TCF25: variants seen among roughly 807,000 people sequenced by gnomAD.
TCF25 encodes TCF25 ribosome quality control complex subunit, also known as ribosome quality control complex subunit TCF25.
A neutral mutation model predicts 83.1 loss-of-function variants in TCF25; 41 were observed. The observed-to-expected ratio is 0.49, with a 90% CI of 0.38 to 0.64. TCF25 has a LOEUF of 0.64. Among genes scored for constraint, TCF25 ranks in the 30% least tolerant of loss-of-function variants. TCF25 has a pLI of 0.00. For missense variants in TCF25, 979 were observed against 914.5 expected (o/e 1.07, Z -0.91); for synonymous variants, 458 against 365.0 (o/e 1.25, Z -2.90).
rs1389428546 is a variant in TCF25, at chr16:89,907,421, CCAGCTCCCACCTAG to C, written c.1799+108_1799+121del. Reference sequence around the variant, plus strand: ...CCTCCCAGCTCCAACCTTCCAGCTCCCAGCTCCCACCTAGCAGCTCCCGGCTCCTGGCTCCCACC... The same window carrying C: ...CCTCCCAGCTCCAACCTTCCAGCTCCCAGCTCCCGGCTCCTGGCTCCCACC... On this transcript the variant is annotated intron_variant, in intron 16 of 17. Transcript: ENST00000263346. 1.1e-3 allele frequency: 313 copies of C among 290,714 alleles called. 3 individuals are homozygous for C. Among genetic ancestry groups the C allele is most frequent in the East Asian group, 2.3e-3 (30 of 13,288 alleles). The allele number at this position is 290,714 out of a possible 1,614,324, so 18.0% of individuals were successfully genotyped here.
chr16:89,876,435 T>A (rs1374879127), intron 1 of TCF25, among the ~76,000 whole-genome samples: 4 of 152,162 alleles, frequency 2.6e-5, no homozygotes, highest in Admixed American at 6.6e-5. Context: ...TTTTAAAAAA[T>A]TTTATTTATT....
intron 5 of TCF25, among the ~76,000 whole-genome samples, chr16:89,891,547 G>A (rs2043428450): frequency 6.6e-6 from 1 of 152,218 alleles, no homozygotes; most frequent in African/African-American, 2.4e-5. Context: ...CAGGCAGAGT[G>A]CCCTGACCTC....
chr16:89,907,172 G>T, intron 15 of TCF25, 71 bp from the exon 16 acceptor site: 1 of 1,470,946 alleles, frequency 6.8e-7, no homozygotes, highest in Non-Finnish European at 9.5e-7. Context: ...TCGACAGAAG[G>T]ACTCTGCTGG....
At chr16:89,890,312 A>T (rs545843902) in intron 5 of TCF25, 1 of 152,268 alleles carries the variant, frequency 6.6e-6, no homozygotes, top group African/African-American at 2.4e-5. Flanking sequence ...GTCTGCAGGC[A>T]TTTCTGTGAA....
intron 1 of TCF25, 27 bp downstream of exon 1, chr16:89,873,886 G>A (rs2041941807): frequency 3.3e-6 from 5 of 1,504,738 alleles, no homozygotes; most frequent in Non-Finnish European, 4.5e-6. Context: ...CCCGGGTGGG[G>A]GTGGGGTGGC....
intron 11 of TCF25, among the ~76,000 whole-genome samples, chr16:89,899,141 G>A (rs572348739): frequency 6.6e-6 from 1 of 152,300 alleles, no homozygotes; most frequent in African/African-American, 2.4e-5. Flanking sequence ...GCACACGTGT[G>A]CCTGCAAGGA....
chr16:89,887,624 T>C (rs2043116744), intron 4 of TCF25, 28 bp from the exon 5 acceptor site: 22 of 1,569,132 alleles, frequency 1.4e-5, no homozygotes, highest in Non-Finnish European at 1.9e-5. Flanking sequence ...AATTTCATGT[T>C]TTTTTTCTAC....
chr16:89,884,397 C>T (rs1324990772), intron 2 of TCF25, among the ~76,000 whole-genome samples, 185 bp from the exon 3 acceptor site: 1 of 151,964 alleles, frequency 6.6e-6, no homozygotes, highest in South Asian at 2.1e-4. Flanking sequence ...TAGCACAGCC[C>T]GAGGGGCTCG....
intron 15 of TCF25, 103 bp downstream of exon 15, chr16:89,906,387 C>A: frequency 8.7e-7 from 1 of 1,148,440 alleles, no homozygotes; most frequent in Admixed American, 2.0e-5. Flanking sequence ...TGCGGGCTCC[C>A]TCAGCAGCCC....
rs749070661 is a variant in TCF25 at position 89,904,857 on chromosome 16, C to T, written c.1470-81C>T. 2.2e-5 allele frequency: 34 copies of T among 1,518,688 alleles called. 1 individual carries two copies. The Admixed American group carries it at 2.9e-4, about 13-fold the overall frequency. 94.1% of individuals were successfully genotyped at this position (1,518,688 alleles called of 1,614,324 possible). Reference sequence around the variant, plus strand: ...GGGCACTCCCTGGACCCCCCGTCTGCCCATCCATGGGGCTCTGCCAGCCTC... The same window carrying T: ...GGGCACTCCCTGGACCCCCCGTCTGTCCATCCATGGGGCTCTGCCAGCCTC... On this transcript the variant is annotated intron_variant, in intron 13 of 17. Transcript: ENST00000263346.
At chr16:89,899,009 C>T in intron 11 of TCF25, 137 bp downstream of exon 11, 1 of 833,406 alleles carries the variant, frequency 1.2e-6, no homozygotes, top group Non-Finnish European at 1.9e-6. Context: ...CCACGTCCTC[C>T]TGCCTTGTTT....
In TCF25 at chr16:89,900,234, G is replaced by A. The variant is rs562224036; in HGVS notation, c.1222-401G>A. ...TAGACTGCTCGGAAACTCGCGTGGC[G>A]GGCTGCTCTCGGAAACTCGCGCGGC... On this transcript the variant is annotated intron_variant, in intron 11 of 17. Coordinates refer to ENST00000263346, the MANE Select transcript of TCF25 (RefSeq NM_014972.3). Among the ~76,000 whole-genome samples, 15 of 152,148 alleles carry A rather than the reference G, an allele frequency of 9.9e-5. No homozygotes were observed. In the East Asian group the frequency reaches 1.2e-3, roughly 12 times the overall value.
chr16:89,906,572 C>T (rs1419693140), intron 15 of TCF25, among the ~76,000 whole-genome samples: 2 of 152,294 alleles, frequency 1.3e-5, no homozygotes, highest in Middle Eastern at 3.4e-3. Flanking sequence ...GGTGCGGCTG[C>T]TGGGGGATTC....
intron 12 of TCF25, 56 bp downstream of exon 12, chr16:89,900,850 G>T (rs2044265931): frequency 6.9e-7 from 1 of 1,457,898 alleles, no homozygotes. Flanking sequence ...AGCCGTGGGG[G>T]CTGCTCTTCC....
chr16:89,893,679 C>T (rs2043601583), intron 6 of TCF25, 49 bp from the exon 7 acceptor site: 2 of 1,611,964 alleles, frequency 1.2e-6, no homozygotes, highest in Middle Eastern at 1.9e-4. Context: ...TCGGAGCTGC[C>T]CACGTCCCTG....
intron 14 of TCF25, 103 bp from the exon 15 acceptor site, chr16:89,906,091 G>A (rs1053998498): frequency 1.0e-5 from 10 of 985,128 alleles, no homozygotes; most frequent in South Asian, 6.0e-5. Context: ...GAGATGCAGC[G>A]AGATGCCTCG....
intron 9 of TCF25, among the ~76,000 whole-genome samples, chr16:89,896,549 ATTTT>A (rs869089266): frequency 2.7e-5 from 3 of 112,398 alleles, no homozygotes; most frequent in African/African-American, 8.0e-5. Context: ...TCAAAACAGC[ATTTT>A]TTTTTTTTTT....
chr16:89,906,160 T>TGATA (rs762604062), intron 14 of TCF25, 34 bp from the exon 15 acceptor site: 12 of 1,594,214 alleles, frequency 7.5e-6, no homozygotes, highest in Non-Finnish European at 8.6e-6. Context: ...TTGCTGTGCT[T>TGATA]TATCTGCTGT....
chr16:89,881,204 C>G (rs1049309782), intron 1 of TCF25, among the ~76,000 whole-genome samples: 5 of 152,170 alleles, frequency 3.3e-5, no homozygotes. Context: ...GTGCTTTCTT[C>G]TCTTCAGCAA....
Sources: gnomAD v4.1 joint callset for allele counts (sites outside exome capture counted in the v4.1 genomes callset) on GRCh38, gnomAD v4.1.1 for gene constraint, MANE v1.5 for transcripts, NCBI Gene and HGNC (gene_info 2026-07-23, HGNC 2026-07-21) for gene names.